Variants in IFT140 observed in about 807,000 individuals in gnomAD.
IFT140 encodes intraflagellar transport 140.
IFT140 carries 133 observed loss-of-function variants against 164.6 expected under a neutral mutation model. The ratio of observed to expected loss-of-function variants is 0.81; its 90% CI spans 0.70 to 0.93. The LOEUF is 0.93. Among genes scored for constraint, IFT140 ranks in the 40% least tolerant of loss-of-function variants. The probability of loss-of-function intolerance (pLI) is 0.00; values close to 1 mark genes in which losing one functional copy is unlikely to be tolerated. For missense variants in IFT140, 2,045 were observed against 1,972.3 expected, an observed-to-expected ratio of 1.04 and a Z score of -0.70; for synonymous variants, 860 against 817.3, an observed-to-expected ratio of 1.05 and a Z score of -0.89.
rs376953801 is a variant in IFT140, at chr16:1,520,292, C to T, written c.3712G>A (p.Ala1238Thr). Residue 1238 changes from alanine (A) to threonine (T), a missense_variant, in exon 28 of 31, where the codon GCG becomes ACG. Coordinates refer to ENST00000426508, the MANE Select transcript of IFT140 (RefSeq NM_014714.4). The part of the protein sequence containing the change: ...SGDTEKITFF[A>T]SVSRQKEIYI... ...ATTTCCTTCTGCCTGGACACGCTCG[C>T]GAAGAACGTGATTTTCTCCGTGTCT... 73 of 1,614,050 alleles carry T rather than the reference C, an allele frequency of 4.5e-5. No individual in the cohort carries two copies. The highest frequency in any genetic ancestry group is 3.3e-4 in the Admixed American group (20 of 60,006).
intron 30 of IFT140, 79 bp downstream of exon 30, chr16:1,518,137 C>G: frequency 6.9e-7 from 1 of 1,445,792 alleles, no homozygotes; most frequent in South Asian, 1.3e-5. Context: ...CACACACAGC[C>G]TCAGTTTGAG....
Position 1,586,305 on chromosome 16 carries a change from A to C in IFT140, c.1010-30T>G, listed in dbSNP as rs774435177. ...AGGTAGAAACAAACTGCATGTGAAC[A>C]GAGTTAAAAAAAGGGAACAAAACAG... On this transcript the variant is annotated intron_variant, in intron 9 of 30. Transcript: ENST00000426508. 1.9e-6 allele frequency: 3 copies of C among 1,590,502 alleles called. No homozygotes were observed. In the South Asian group the frequency reaches 3.4e-5, roughly 18 times the overall value.
rs770994787 is a variant in IFT140, at chr16:1,531,338, G to A, written c.2400-4542C>T. 3 of 152,154 alleles carry A rather than the reference G, an allele frequency of 2.0e-5. No homozygotes were observed. Among genetic ancestry groups the A allele is most frequent in the Non-Finnish European group, 2.9e-5 (2 of 68,040 alleles). 9.4% of individuals were successfully genotyped at this position (152,154 alleles called of 1,614,324 possible). ...TCAAAGGTCCTGCAGAAGCTCTGCC[G>A]AGACCACTCTGTGTCAGGATGAGGG... On this transcript the variant is annotated intron_variant, in intron 19 of 30. Coordinates refer to ENST00000426508, the MANE Select transcript of IFT140 (RefSeq NM_014714.4). This position sits in a 1 kb window ranked among gnomAD's most constrained non-coding sequence, Gnocchi z 4.7.
chr16:1,600,463 TA>T (rs34665250), intron 4 of IFT140, among the ~76,000 whole-genome samples: 48,356 of 135,230 alleles, frequency 0.36, 8,524 homozygotes, highest in African/African-American at 0.51. Context: ...AAAATAAATT[TA>T]AAAAAAAAAA....
At chr16:1,550,925 C>A (rs571759796) in intron 19 of IFT140, among the ~76,000 whole-genome samples, 1 of 152,194 alleles carries the variant, frequency 6.6e-6, no homozygotes, top group African/African-American at 2.4e-5. Context: ...TACAGGGCCA[C>A]GTAGCCGATG....
chr16:1,530,993 C>G (rs2030422802), intron 19 of IFT140: 2 of 152,232 alleles, frequency 1.3e-5, no homozygotes, highest in Admixed American at 1.3e-4. Flanking sequence ...CACAGACCCG[C>G]CAGAAGCGTC....
intron 30 of IFT140, among the ~76,000 whole-genome samples, chr16:1,514,023 G>A (rs1178179474): frequency 6.6e-6 from 1 of 151,730 alleles, no homozygotes; most frequent in African/African-American, 2.4e-5. Context: ...GGCCAGTGTG[G>A]GCATCAGCCA....
chr16:1,605,104 G>T (rs1342522493), intron 3 of IFT140, among the ~76,000 whole-genome samples: 1 of 152,168 alleles, frequency 6.6e-6, no homozygotes, highest in African/African-American at 2.4e-5. Context: ...GATCACAGGA[G>T]AAGGAAGAAA....
chr16:1,601,509 T>C (rs995937999), intron 4 of IFT140, among the ~76,000 whole-genome samples: 1 of 152,210 alleles, frequency 6.6e-6, no homozygotes, highest in Non-Finnish European at 1.5e-5. Flanking sequence ...TGAAGCATCG[T>C]TATCTGTGAT....
At chr16:1,525,859 G>C (rs77131583) in intron 21 of IFT140, 28 bp downstream of exon 21, 4 of 1,498,890 alleles carry the variant, frequency 2.7e-6, no homozygotes, top group East Asian at 5.0e-5. Flanking sequence ...CAGAGAGGCA[G>C]GGAAGAGGCC....
rs1049489298 is a variant in IFT140, at chr16:1,533,899, G to A, written c.2400-7103C>T. Reference sequence around the variant, plus strand: ...CGCGGGCTCGACTCCCACTGCTGCCGGCCTCCCGAGTGACTCTGTTTTCCA... The same window carrying A: ...CGCGGGCTCGACTCCCACTGCTGCCAGCCTCCCGAGTGACTCTGTTTTCCA... On this transcript the variant is annotated intron_variant, in intron 19 of 30. Transcript: ENST00000426508. The surrounding 1 kb of genome is among the most constrained non-coding windows in gnomAD (Gnocchi z 4.7). 2.4e-5 allele frequency: 7 copies of A among 291,626 alleles called. No homozygotes were observed. Among genetic ancestry groups the A allele is most frequent in the Admixed American group, 5.4e-5 (1 of 18,552 alleles). The allele number at this position is 291,626 out of a possible 1,614,324, so 18.1% of individuals were successfully genotyped here.
chr16:1,557,349 C>T lies in IFT140; in HGVS notation c.2399+586G>A, dbSNP rs868345158. Among the ~76,000 whole-genome samples the T allele has an allele frequency of 5.3e-5, 8 of 152,312 alleles. No homozygotes were observed. In the East Asian group the frequency reaches 9.6e-4, roughly 18 times the overall value. Reference sequence around the variant, plus strand: ...AGCGGGCCGGGGTCCTGCACCCTCTCGGACACCTGTGTGACAGGCATTATC... The same window carrying T: ...AGCGGGCCGGGGTCCTGCACCCTCTTGGACACCTGTGTGACAGGCATTATC... On this transcript the variant is annotated intron_variant, in intron 19 of 30. Transcript: ENST00000426508.
At chr16:1,547,727 G>C (rs971816471) in intron 19 of IFT140, among the ~76,000 whole-genome samples, 7 of 152,122 alleles carry the variant, frequency 4.6e-5, no homozygotes, top group Non-Finnish European at 7.4e-5. Flanking sequence ...GTAGAGATGG[G>C]GTTTCACCAT....
chr16:1,578,440 A>G (rs1341979452), intron 13 of IFT140: 1 of 152,086 alleles, frequency 6.6e-6, no homozygotes, highest in African/African-American at 2.4e-5. Flanking sequence ...TGCTGCACAC[A>G]GTGGGCTGAA....
At chr16:1,609,204 C>T (rs896547185) in intron 2 of IFT140, among the ~76,000 whole-genome samples, 2 of 152,000 alleles carry the variant, frequency 1.3e-5, no homozygotes, top group Non-Finnish European at 1.5e-5. Flanking sequence ...GTTACAAATC[C>T]TGGGCTAAGG....
chr16:1,546,580 C>T (rs904510963), intron 19 of IFT140, among the ~76,000 whole-genome samples: 5 of 152,194 alleles, frequency 3.3e-5, no homozygotes, highest in African/African-American at 1.2e-4. Flanking sequence ...AAGCTTCAGG[C>T]CCGAGGCGCA....
In IFT140 at chr16:1,525,921, C is replaced by T. The variant is rs1408094333; in HGVS notation, c.2734G>A (p.Glu912Lys). ...GCCCGGCTGCAGTCGGCGCTGGCCT[C>T]CAGGTGCCCGGCATAGCGGTGGTAG... ...STYHRYAGHL[E>K]ASADCSRALS... Residue 912 changes from glutamate (E) to lysine (K), a missense_variant, in exon 21 of 31, where the codon GAG becomes AAG. By Grantham distance (56) the Glu-to-Lys change is moderately conservative. Transcript: ENST00000426508. The T allele has an allele frequency of 1.3e-6, 2 of 1,566,150 alleles. No individual in the cohort carries two copies. Among genetic ancestry groups the T allele is most frequent in the East Asian group, 4.7e-5 (2 of 42,222 alleles).
intron 13 of IFT140, among the ~76,000 whole-genome samples, chr16:1,572,786 T>G (rs939998552): frequency 3.9e-5 from 6 of 152,228 alleles, no homozygotes; most frequent in Non-Finnish European, 7.3e-5. Flanking sequence ...TTGGCTCAAT[T>G]CAACCAATGC....
chr16:1,515,370 G>A (rs1392656306), intron 30 of IFT140, among the ~76,000 whole-genome samples: 1 of 152,174 alleles, frequency 6.6e-6, no homozygotes, highest in Non-Finnish European at 1.5e-5. Flanking sequence ...GGCCCAGACA[G>A]GGAAAACATT....
Sources: allele counts gnomAD v4.1 joint callset (sites outside exome capture counted in the v4.1 genomes callset), GRCh38; gene constraint gnomAD v4.1.1; non-coding constraint Gnocchi (gnomAD v3.1); transcripts MANE v1.5; gene names NCBI Gene and HGNC (gene_info 2026-07-23, HGNC 2026-07-21).